ATP13A5: variants seen among roughly 807,000 people sequenced by gnomAD.
ATP13A5 encodes the protein probable cation-transporting ATPase 13A5.
In ATP13A5, 149 loss-of-function variants were observed where a neutral mutation model predicts 150.2. That is an observed-to-expected ratio of 0.99 (90% confidence interval 0.87 to 1.14). The LOEUF (loss-of-function observed/expected upper bound fraction) is 1.14, where lower values mean the gene tolerates loss of function less well. ATP13A5 is among the 50% of genes most tolerant of loss of function. ATP13A5 has a pLI of 0.00. For synonymous variants in ATP13A5, 497 were observed against 522.2 expected (o/e 0.95, Z 0.66); for missense variants, 1,383 against 1,449.3 (o/e 0.95, Z 0.74).
chr3:193,327,213 C>T (rs546615465), intron 12 of ATP13A5, among the ~76,000 whole-genome samples, 156 bp from the exon 13 acceptor site: 1 of 152,234 alleles, frequency 6.6e-6, no homozygotes, highest in East Asian at 1.9e-4. Flanking sequence ...GAGGAGTACC[C>T]ACAAGAAAAA....
chr3:193,366,155 G>T (rs1399464669), intron 1 of ATP13A5, among the ~76,000 whole-genome samples: 1 of 151,974 alleles, frequency 6.6e-6, no homozygotes, highest in Non-Finnish European at 1.5e-5. Context: ...TAGAAACCTG[G>T]AGCATACTGT....
intron 1 of ATP13A5, among the ~76,000 whole-genome samples, chr3:193,367,735 C>A (rs1465289695): frequency 6.6e-6 from 1 of 152,100 alleles, no homozygotes; most frequent in African/African-American, 2.4e-5. Flanking sequence ...AGAAGGCCAT[C>A]TCAATAGATA....
At chr3:193,337,521 C>G (rs565116876) in intron 9 of ATP13A5, among the ~76,000 whole-genome samples, 1 of 152,008 alleles carries the variant, frequency 6.6e-6, no homozygotes, top group Non-Finnish European at 1.5e-5. Flanking sequence ...TTGTTTTTGT[C>G]AGGTTTGTCA....
intron 12 of ATP13A5, among the ~76,000 whole-genome samples, chr3:193,327,291 G>A (rs1161831132): frequency 6.6e-6 from 1 of 152,164 alleles, no homozygotes; most frequent in Non-Finnish European, 1.5e-5. Flanking sequence ...TACTAATGAT[G>A]AGGAAAAAAT....
chr3:193,309,017 T>C (rs933288692), intron 21 of ATP13A5, among the ~76,000 whole-genome samples: 1 of 152,160 alleles, frequency 6.6e-6, no homozygotes, highest in African/African-American at 2.4e-5. Context: ...AAAGGGTGTC[T>C]CCTGATTTCA....
intron 17 of ATP13A5, among the ~76,000 whole-genome samples, chr3:193,317,498 G>A (rs988598404): frequency 6.6e-6 from 1 of 152,184 alleles, no homozygotes; most frequent in Non-Finnish European, 1.5e-5. Flanking sequence ...TGGTGAAGGG[G>A]TGAGCCTTGA....
chr3:193,318,596 C>G (rs905952949), intron 17 of ATP13A5, among the ~76,000 whole-genome samples: 1 of 152,186 alleles, frequency 6.6e-6, no homozygotes, highest in Non-Finnish European at 1.5e-5. Context: ...AAAGTGCCAA[C>G]TGTCTCCCTC....
Position 193,324,817 on chromosome 3 carries a change from T to A in ATP13A5, c.1674+47A>T, listed in dbSNP as rs181757918. ...ATTAGAAAAGCTTCAGCACTCCCAG[T>A]AAAGATTTCCTCAGATTCTCATCTT... On this transcript the variant is annotated intron_variant, in intron 14 of 29. Transcript: ENST00000342358. 15 of 1,591,138 alleles carry A rather than the reference T, an allele frequency of 9.4e-6. No individual in the cohort carries two copies. The Admixed American group carries it at 2.5e-4, about 26-fold the overall frequency.
intron 6 of ATP13A5, among the ~76,000 whole-genome samples, chr3:193,353,432 A>G (rs912912917): frequency 6.6e-6 from 1 of 152,248 alleles, no homozygotes; most frequent in Admixed American, 6.5e-5. Flanking sequence ...AAGCCATTTG[A>G]AAAAGACCAA....
At chr3:193,307,474 T>G in intron 21 of ATP13A5, 105 bp from the exon 22 acceptor site, 1 of 1,371,584 alleles carries the variant, frequency 7.3e-7, no homozygotes, top group East Asian at 2.4e-5. Flanking sequence ...TGTATGTGTG[T>G]GTCCCCTGAA....
chr3:193,303,934 T>C (rs1447984270), intron 23 of ATP13A5, among the ~76,000 whole-genome samples: 2 of 151,942 alleles, frequency 1.3e-5, no homozygotes, highest in African/African-American at 2.4e-5. Flanking sequence ...TAATTTTTGC[T>C]GGAATGTAAA....
At chr3:193,325,972 G>A (rs1277260027) in intron 13 of ATP13A5, among the ~76,000 whole-genome samples, 5 of 152,188 alleles carry the variant, frequency 3.3e-5, no homozygotes, top group Admixed American at 6.5e-5. Flanking sequence ...GGCTGGCCGG[G>A]ACATCTGAGC....
chr3:193,311,671 CT>C, intron 20 of ATP13A5, 144 bp downstream of exon 20: 1 of 1,205,520 alleles, frequency 8.3e-7, no homozygotes, highest in Non-Finnish European at 1.1e-6. Flanking sequence ...GGCCAGAAAA[CT>C]TTTTCAGGAG....
chr3:193,319,091 G>A lies in ATP13A5; in HGVS notation c.1933C>T (p.Gln645Ter), dbSNP rs148097145. Residue 645 changes from glutamine (Q) to a stop codon, truncating the protein, a stop_gained, in exon 17 of 30, where the codon CAG (glutamine) becomes TAG (stop). Transcript: ENST00000342358. LOFTEE classifies it high-confidence loss of function. ...RSETVPKNFP[Q>*]ELRSYTVQGF... Reference sequence around the variant, plus strand: ...TGCACCGTGTAACTCCTCAGTTCCTGTGGGAAATTCTTGGGCACTGCCAGG... The same window carrying A: ...TGCACCGTGTAACTCCTCAGTTCCTATGGGAAATTCTTGGGCACTGCCAGG... 3 of 1,613,764 alleles carry A rather than the reference G, an allele frequency of 1.9e-6. No homozygotes were observed. Among genetic ancestry groups the A allele is most frequent in the South Asian group, 1.1e-5 (1 of 91,062 alleles).
At chr3:193,374,477 T>C (rs908350242) in intron 1 of ATP13A5, among the ~76,000 whole-genome samples, 2 of 152,124 alleles carry the variant, frequency 1.3e-5, no homozygotes, top group Non-Finnish European at 2.9e-5. Context: ...ACCTCGTCTC[T>C]ACTGAAATTT....
chr3:193,364,039 T>A, intron 2 of ATP13A5, 68 bp downstream of exon 2: 1 of 1,483,276 alleles, frequency 6.7e-7, no homozygotes, highest in Non-Finnish European at 9.3e-7. Context: ...AGCCACAGAG[T>A]TATGCCACAG....
chr3:193,285,686 A>T (rs73888239), intron 26 of ATP13A5, among the ~76,000 whole-genome samples: 9,104 of 152,146 alleles, frequency 0.06, 322 homozygotes, highest in South Asian at 0.11. Context: ...CATGCTCTAT[A>T]CACTCCAAAC....
intron 12 of ATP13A5, among the ~76,000 whole-genome samples, chr3:193,328,614 G>A (rs979651348): frequency 6.6e-6 from 1 of 152,070 alleles, no homozygotes; most frequent in Admixed American, 6.6e-5. Flanking sequence ...ACCATAAATA[G>A]AGAAAACTAA....
rs770246698 is a variant in ATP13A5 at position 193,362,364 on chromosome 3, C to A, written c.536+17G>T. The A allele has an allele frequency of 6.2e-7, 1 of 1,605,484 alleles. No homozygotes were observed. Reference sequence around the variant, plus strand: ...CTGCTGGCAGAGTTTACTCTTAAGGCATATAATAAGTCCTACCTGACCTCT... The same window carrying A: ...CTGCTGGCAGAGTTTACTCTTAAGGAATATAATAAGTCCTACCTGACCTCT... On this transcript the variant is annotated intron_variant, in intron 5 of 29. Transcript: ENST00000342358.
Sources: gnomAD v4.1 joint callset for allele counts (sites outside exome capture counted in the v4.1 genomes callset) on GRCh38, gnomAD v4.1.1 for gene constraint, MANE v1.5 for transcripts, NCBI Gene and HGNC (gene_info 2026-07-23, HGNC 2026-07-21) for gene names.